Variants in MYO16 observed in about 807,000 individuals in gnomAD.
MYO16 encodes unconventional myosin-XVI.
A neutral mutation model predicts 205.3 loss-of-function variants in MYO16; 94 were observed. The ratio of observed to expected loss-of-function variants is 0.46; its 90% CI spans 0.39 to 0.54. The LOEUF is 0.54. Ranked by LOEUF, MYO16 falls within the 20% of genes least tolerant of loss-of-function variation. MYO16 has a pLI of 0.00. For missense variants in MYO16, 2,315 were observed against 2,387.5 expected, an observed-to-expected ratio of 0.97 and a Z score of 0.63; for synonymous variants, 988 against 954.0, an observed-to-expected ratio of 1.04 and a Z score of -0.66.
At position 108,632,035 on chromosome 13, in the gene MYO16, G is replaced by A. The variant is rs527828853; in HGVS notation, c.28+2163G>A. The stretch of plus-strand genomic sequence containing the variant: ...GGAGCTTGCGGTGAGCTGAGATCGC[G>A]CCATTGCACTCCAGCCTGGGTGACA... On this transcript the variant is annotated intron_variant, in intron 1 of 34. Coordinates refer to ENST00000457511, the MANE Select transcript of MYO16 (RefSeq NM_001198950.3). Among the ~76,000 whole-genome samples the A allele has an allele frequency of 8.1e-5, 11 of 136,192 alleles. No homozygotes were observed. The South Asian group carries it at 1.6e-3, about 20-fold the overall frequency. 89.3% of individuals were successfully genotyped at this position (136,192 alleles called of 152,430 possible). A position where few individuals can be genotyped will look rare whatever the true frequency, so the allele number is the denominator to read the frequency against.
intron 21 of MYO16, among the ~76,000 whole-genome samples, chr13:109,000,631 G>T (rs930750670): frequency 2.0e-5 from 3 of 151,696 alleles, no homozygotes; most frequent in African/African-American, 4.8e-5. Flanking sequence ...ACTTTTTTTT[G>T]AAAAATATTG....
At chr13:108,692,055 T>C (rs952011643) in intron 2 of MYO16, among the ~76,000 whole-genome samples, 5 of 152,204 alleles carry the variant, frequency 3.3e-5, no homozygotes, top group Non-Finnish European at 5.9e-5. Flanking sequence ...TTTGAAATCT[T>C]CCTAAAGTCT....
In MYO16 at chr13:108,760,023, G is replaced by A. The variant is rs547924423; in HGVS notation, c.508-25612G>A. Among the ~76,000 whole-genome samples, 8 of 152,266 alleles carry A rather than the reference G, an allele frequency of 5.3e-5. No homozygotes were observed. The South Asian group carries it at 1.0e-3, about 20-fold the overall frequency. On this transcript the variant is annotated intron_variant, in intron 4 of 34. Coordinates refer to ENST00000457511, the MANE Select transcript of MYO16 (RefSeq NM_001198950.3). ...TAATGATCAGATCAGGGTAACTGGG[G>A]TATCTGTCACCTCAAACATTTATCT...
intron 23 of MYO16, among the ~76,000 whole-genome samples, chr13:109,042,228 AG>A (rs1467924403): frequency 1.3e-5 from 2 of 152,260 alleles, no homozygotes; most frequent in Non-Finnish European, 2.9e-5. Context: ...CACGGTTAAA[AG>A]ACCTAATTTG....
At chr13:108,496,121 T>C in the MYO16 span, among the ~76,000 whole-genome samples, 52,496 of 151,806 alleles carry the variant, frequency 0.35, 9,246 homozygotes, top group Non-Finnish European at 0.39. Context: ...GTTGGACGCG[T>C]CTGGGGGGCG....
At chr13:109,009,643 A>G (rs967888939) in intron 22 of MYO16, among the ~76,000 whole-genome samples, 3 of 152,176 alleles carry the variant, frequency 2.0e-5, no homozygotes, top group African/African-American at 7.2e-5. Flanking sequence ...ATATAAGAAA[A>G]CATTATATGG....
intron 23 of MYO16, among the ~76,000 whole-genome samples, chr13:109,037,257 T>C (rs558256543): frequency 1.6e-3 from 242 of 152,356 alleles, no homozygotes; most frequent in African/African-American, 5.3e-3. Flanking sequence ...TGCGAAGTTA[T>C]TGCCCCTTCC....
the MYO16 span, among the ~76,000 whole-genome samples, chr13:108,542,199 T>G: frequency 6.6e-6 from 1 of 152,112 alleles, no homozygotes; most frequent in African/African-American, 2.4e-5. Flanking sequence ...GCCATCATCC[T>G]TAACAAACTA....
Position 109,199,734 on chromosome 13 carries a change from G to A in MYO16, c.5416-6875G>A, listed in dbSNP as rs11619687. ...GTTTTTCTCTTTCCAAAAAGAAATG[G>A]TATCAAAACTAAAGCTTTTTGTTAC... On this transcript the variant is annotated intron_variant, in intron 34 of 34. Transcript: ENST00000457511. 3.8e-3 allele frequency among the ~76,000 whole-genome samples: 578 copies of A among 152,200 alleles called. 3 individuals carry two copies. The highest frequency in any genetic ancestry group is 6.4e-3 in the Non-Finnish European group (436 of 67,994).
intron 1 of MYO16, among the ~76,000 whole-genome samples, chr13:108,658,820 TATCATAA>T (rs1881359583): frequency 6.6e-6 from 1 of 152,208 alleles, no homozygotes; most frequent in African/African-American, 2.4e-5. Flanking sequence ...AGACAGTTAA[TATCATAA>T]ATCATCTATG....
intron 16 of MYO16, among the ~76,000 whole-genome samples, chr13:108,956,628 G>A (rs902050067): frequency 3.3e-5 from 5 of 151,932 alleles, no homozygotes; most frequent in South Asian, 2.1e-4. Flanking sequence ...TATTTTCCCC[G>A]TATGCATCAT....
At position 109,206,957 on chromosome 13, in the gene MYO16, C is replaced by T; in HGVS notation, c.*121C>T. 1 of 774,540 alleles carries T rather than the reference C, an allele frequency of 1.3e-6. No individual in the cohort carries two copies. Among genetic ancestry groups the T allele is most frequent in the Non-Finnish European group, 2.1e-6 (1 of 479,202 alleles). The allele number at this position is 774,540 out of a possible 1,614,324, so 48.0% of individuals were successfully genotyped here. On this transcript the variant is annotated 3_prime_UTR_variant, in exon 35 of 35. Transcript: ENST00000457511. ...TCCACGCATTTAGACAAAAAAAGCA[C>T]AGGACACAGACACTAAATATATGAG...
chr13:108,915,144 A>G (rs769383436), intron 16 of MYO16, among the ~76,000 whole-genome samples: 1 of 152,252 alleles, frequency 6.6e-6, no homozygotes, highest in Admixed American at 6.5e-5. Context: ...ACTTTAGAAT[A>G]TAAGTGATAC....
At chr13:108,776,611 A>G (rs1459469057) in intron 4 of MYO16, among the ~76,000 whole-genome samples, 2 of 152,148 alleles carry the variant, frequency 1.3e-5, no homozygotes, top group East Asian at 1.9e-4. Flanking sequence ...TCAAATAGGC[A>G]CCTACAATGC....
At chr13:108,831,887 C>T (rs1479166293) in intron 9 of MYO16, among the ~76,000 whole-genome samples, 1 of 152,158 alleles carries the variant, frequency 6.6e-6, no homozygotes, top group Non-Finnish European at 1.5e-5. Flanking sequence ...GAGAAGGTTA[C>T]CATCCCTGGG....
At chr13:108,585,604 T>C in the MYO16 span, among the ~76,000 whole-genome samples, 2 of 152,192 alleles carry the variant, frequency 1.3e-5, no homozygotes, top group African/African-American at 2.4e-5. Context: ...CTCTATAGAA[T>C]GTGGATTTTT....
chr13:108,518,337 A>G, the MYO16 span, among the ~76,000 whole-genome samples: 1 of 152,226 alleles, frequency 6.6e-6, no homozygotes, highest in African/African-American at 2.4e-5. Context: ...ATTCCAAGAA[A>G]AGGAAAATGA....
chr13:108,816,599 A>G (rs927789646), intron 7 of MYO16, among the ~76,000 whole-genome samples: 1 of 152,210 alleles, frequency 6.6e-6, no homozygotes, highest in Non-Finnish European at 1.5e-5. Context: ...CCAATATGTC[A>G]GCTGAGTCCT....
intron 16 of MYO16, among the ~76,000 whole-genome samples, chr13:108,931,662 T>C (rs900285058): frequency 6.6e-6 from 1 of 152,170 alleles, no homozygotes; most frequent in African/African-American, 2.4e-5. Flanking sequence ...ATTATGCCCA[T>C]AAGTCCTGGC....
Sources: gnomAD v4.1 joint callset for allele counts (sites outside exome capture counted in the v4.1 genomes callset) on GRCh38, gnomAD v4.1.1 for gene constraint, MANE v1.5 for transcripts, NCBI Gene and HGNC (gene_info 2026-07-23, HGNC 2026-07-21) for gene names.